Variants in PRUNE2 observed in about 807,000 individuals in gnomAD.
PRUNE2 encodes the protein protein prune homolog 2.
PRUNE2 carries 164 observed loss-of-function variants against 252.0 expected under a neutral mutation model. The ratio of observed to expected loss-of-function variants is 0.65; its 90% confidence interval spans 0.57 to 0.74. PRUNE2 has a LOEUF of 0.74. PRUNE2 is among the 30% of genes least tolerant of loss of function. PRUNE2 has a pLI of 0.00. For missense variants in PRUNE2, 3,495 were observed against 3,711.0 expected (o/e 0.94, Z 1.51); for synonymous variants, 1,292 against 1,350.2 (o/e 0.96, Z 0.94).
At chr9:76,647,192 A>G (rs1845264066) in intron 11 of PRUNE2, among the ~76,000 whole-genome samples, 2 of 152,228 alleles carry the variant, frequency 1.3e-5, no homozygotes, top group African/African-American at 2.4e-5. Context: ...CAAAAATTGT[A>G]TACTACTTTC....
chr9:76,676,847 C>T lies in PRUNE2; in HGVS notation c.8277-21345G>A, dbSNP rs138097086. On this transcript the variant is annotated intron_variant, in intron 9 of 18. Transcript: ENST00000376718. ...AAAGTGTAGGAAGCAGCAGAAATAGCGAAGCACATGAGCTGAAATGTTACC... is the reference window on the plus strand; with the variant it reads ...AAAGTGTAGGAAGCAGCAGAAATAGTGAAGCACATGAGCTGAAATGTTACC... 9.2e-5 allele frequency among the ~76,000 whole-genome samples: 14 copies of T among 152,276 alleles called. No homozygotes were observed. In the East Asian group the frequency reaches 1.7e-3, roughly 19 times the overall value.
chr9:76,629,349 G>C lies in PRUNE2; in HGVS notation c.9051-59C>G, dbSNP rs1836423507. 6 of 875,266 alleles carry C rather than the reference G, an allele frequency of 6.9e-6. No homozygotes were observed. In the Admixed American group the frequency reaches 1.4e-4, roughly 20 times the overall value. 54.2% of individuals were successfully genotyped at this position (875,266 alleles called of 1,614,324 possible). On this transcript the variant is annotated intron_variant, in intron 15 of 18. Transcript: ENST00000376718. ...TTAGTCACTACCTTATCCATTCTAA[G>C]GCTATTGCCTTTTCTTGAAAATCCT...
intron 6 of PRUNE2, among the ~76,000 whole-genome samples, chr9:76,767,365 A>G (rs674941): frequency 1.3e-5 from 2 of 151,622 alleles, no homozygotes; most frequent in African/African-American, 4.8e-5. Context: ...GCAGGAGAAT[A>G]GCTTGAACTC....
chr9:76,847,208 C>T (rs2059714787), intron 3 of PRUNE2, among the ~76,000 whole-genome samples: 1 of 151,930 alleles, frequency 6.6e-6, no homozygotes, highest in African/African-American at 2.4e-5. Context: ...TGCCTGTAAT[C>T]CCAGCTACCT....
At position 76,875,642 on chromosome 9, in the gene PRUNE2, C is replaced by G. The variant is rs140795590; in HGVS notation, c.37-21434G>C. 8.8e-3 allele frequency among the ~76,000 whole-genome samples: 1,341 copies of G among 152,248 alleles called. 21 individuals are homozygous for G. The highest frequency in any genetic ancestry group is 0.03 in the African/African-American group (1,242 of 41,546). ...GCCTCCCAAAGTGCTGGGATTACAA[C>G]TGTGAGCCACCATGCCCAGCCGGCT... is the stretch of plus-strand genomic sequence containing the variant. On this transcript the variant is annotated intron_variant, in intron 1 of 18. Transcript: ENST00000376718.
At chr9:76,620,912 A>G (rs1346235982) in intron 17 of PRUNE2, among the ~76,000 whole-genome samples, 5 of 152,330 alleles carry the variant, frequency 3.3e-5, no homozygotes, top group Middle Eastern at 3.4e-3. Context: ...CCAATTTTCA[A>G]AATAAGAATG....
At chr9:76,773,779 G>A (rs1564270551) in intron 6 of PRUNE2, among the ~76,000 whole-genome samples, 1 of 152,088 alleles carries the variant, frequency 6.6e-6, no homozygotes, top group African/African-American at 2.4e-5. Flanking sequence ...ATGTAAGAAT[G>A]TTTTTTTCCC....
At chr9:76,752,636 T>TA (rs2050738127) in intron 6 of PRUNE2, among the ~76,000 whole-genome samples, 1 of 152,216 alleles carries the variant, frequency 6.6e-6, no homozygotes, top group African/African-American at 2.4e-5. Flanking sequence ...TTTCAGCACT[T>TA]ATAATACAGC....
At chr9:76,761,104 AT>A (rs200626890) in intron 6 of PRUNE2, among the ~76,000 whole-genome samples, 37 of 149,386 alleles carry the variant, frequency 2.5e-4, no homozygotes, top group African/African-American at 4.2e-4. Context: ...AAAAAAAAAA[AT>A]ACTCAACAGA....
chr9:76,799,670 G>A (rs1410816967), intron 6 of PRUNE2, among the ~76,000 whole-genome samples: 2 of 152,148 alleles, frequency 1.3e-5, no homozygotes, highest in Non-Finnish European at 2.9e-5. Context: ...TGGGTTGTCA[G>A]GGCAATAAAA....
At position 76,707,385 on chromosome 9, in the gene PRUNE2, T is replaced by C. The variant is rs371922525; in HGVS notation, c.4889A>G (p.Asp1630Gly). The change falls in exon 8 of 19, where the codon GAT (aspartate) becomes GGT (glycine). Residue 1630 changes from aspartate to glycine, a missense_variant. Asp to Gly is a moderately conservative substitution (Grantham distance 94, BLOSUM62 -1). Coordinates refer to ENST00000376718, the MANE Select transcript of PRUNE2 (RefSeq NM_015225.3). ...TFLEIWNDSV[D>G]GDSFSSLSSP... ...GGATAAAGAGGAAAAGGAATCACCATCAACTGAGTCATTCCAGATCTCTAA... is the reference window on the plus strand; with the variant it reads ...GGATAAAGAGGAAAAGGAATCACCACCAACTGAGTCATTCCAGATCTCTAA... 3.8e-5 allele frequency: 61 copies of C among 1,613,796 alleles called. No individual in the cohort carries two copies. The highest frequency in any genetic ancestry group is 2.2e-5 in the East Asian group (1 of 44,894).
intron 4 of PRUNE2, among the ~76,000 whole-genome samples, chr9:76,828,680 C>T (rs1284670818): frequency 6.6e-6 from 1 of 152,056 alleles, no homozygotes; most frequent in African/African-American, 2.4e-5. Flanking sequence ...TTGTGTATAC[C>T]CTGTGGTCTG....
Position 76,706,504 on chromosome 9 carries a change from G to A in PRUNE2, c.5770C>T (p.Gln1924Ter). Residue 1924 changes from glutamine to a stop codon, truncating the protein, a stop_gained, in exon 8 of 19, where the codon CAG (glutamine) becomes TAG (stop). Transcript: ENST00000376718. LOFTEE classifies it high-confidence loss of function. ...QPDPDADKFS[Q>*]LVKLDQIKEK... is the part of the protein sequence containing the mutation. ...TTAATTTGGTCTAATTTTACAAGCT[G>A]GCTGAACTTGTCAGCATCTGGGTCT... 6.2e-7 allele frequency: 1 copy of A among 1,613,942 alleles called. No homozygotes were observed. The highest frequency in any genetic ancestry group is 2.2e-5 in the East Asian group (1 of 44,868).
At chr9:76,736,041 C>A (rs1246938822) in intron 6 of PRUNE2, among the ~76,000 whole-genome samples, 1 of 152,058 alleles carries the variant, frequency 6.6e-6, no homozygotes, top group Non-Finnish European at 1.5e-5. Context: ...ATTTTTCATT[C>A]CCTTACTGTA....
chr9:76,885,466 TA>T (rs5898513), intron 1 of PRUNE2, among the ~76,000 whole-genome samples: 18,226 of 152,134 alleles, frequency 0.12, 1,291 homozygotes, highest in South Asian at 0.23. Context: ...AGGCACCCAC[TA>T]AGTCCTGATT....
chr9:76,670,592 G>T (rs1008592788), intron 9 of PRUNE2, among the ~76,000 whole-genome samples: 4 of 152,162 alleles, frequency 2.6e-5, no homozygotes, highest in African/African-American at 7.2e-5. Flanking sequence ...CTCCACCTCT[G>T]GGGGCAGGAC....
rs371695869 is a variant in PRUNE2, at chr9:76,844,920, T to C, written c.508+1595A>G. Among the ~76,000 whole-genome samples, 235 of 148,732 alleles carry C rather than the reference T, an allele frequency of 1.6e-3. 1 individual carries two copies. The highest frequency in any genetic ancestry group is 5.5e-3 in the African/African-American group (220 of 40,152). On this transcript the variant is annotated intron_variant, in intron 4 of 18. Coordinates refer to ENST00000376718, the MANE Select transcript of PRUNE2 (RefSeq NM_015225.3). ...AGCTCGCACCTTTAATTACAGCACTTTGGGAGACTGAAGCCGGTGGATGGC... is the reference window on the plus strand; with the variant it reads ...AGCTCGCACCTTTAATTACAGCACTCTGGGAGACTGAAGCCGGTGGATGGC...
intron 6 of PRUNE2, among the ~76,000 whole-genome samples, chr9:76,749,667 T>C (rs2050440504): frequency 6.6e-6 from 1 of 152,222 alleles, no homozygotes; most frequent in Non-Finnish European, 1.5e-5. Flanking sequence ...AACCTCAATG[T>C]AGATGTTTGA....
At chr9:76,727,682 A>T (rs547405603) in intron 6 of PRUNE2, among the ~76,000 whole-genome samples, 33 of 34,824 alleles carry the variant, frequency 9.5e-4, no homozygotes, top group Non-Finnish European at 1.2e-3. Context: ...TTGTACTATT[A>T]TTCCAACTTA....
Sources: gnomAD v4.1 joint callset for allele counts (sites outside exome capture counted in the v4.1 genomes callset) on GRCh38, gnomAD v4.1.1 for gene constraint, MANE v1.5 for transcripts, NCBI Gene and HGNC (gene_info 2026-07-23, HGNC 2026-07-21) for gene names.